Variants in KRCC1 observed in about 807,000 individuals in gnomAD.
KRCC1 encodes lysine-rich coiled-coil protein 1.
In KRCC1, 3 loss-of-function variants were observed where a neutral mutation model predicts 7.4. That is an observed-to-expected ratio of 0.40 (90% CI 0.18 to 1.04). The LOEUF (loss-of-function observed/expected upper bound fraction) is 1.04. Ranked by LOEUF, KRCC1 falls within the 50% of genes least tolerant of loss-of-function variation. The pLI is 0.33. For synonymous variants in KRCC1, 102 were observed against 101.6 expected, an observed-to-expected ratio of 1.00 and a Z score of -0.02; for missense variants, 277 against 300.9, an observed-to-expected ratio of 0.92 and a Z score of 0.59.
intron 3 of KRCC1, among the ~76,000 whole-genome samples, chr2:88,028,805 C>A (rs914181808): frequency 6.6e-6 from 1 of 151,888 alleles, no homozygotes; most frequent in Non-Finnish European, 1.5e-5. Flanking sequence ...TGTGTGCCAC[C>A]ACGCCCAGCT....
intron 1 of KRCC1, among the ~76,000 whole-genome samples, chr2:88,042,353 C>A (rs1306791788): frequency 2.0e-5 from 3 of 152,156 alleles, no homozygotes; most frequent in African/African-American, 7.2e-5. Flanking sequence ...AGCCACTGCA[C>A]CCGGCCTAGA....
chr2:88,043,552 C>A (rs971697749), intron 1 of KRCC1, among the ~76,000 whole-genome samples: 6 of 152,180 alleles, frequency 3.9e-5, no homozygotes, highest in African/African-American at 1.4e-4. Flanking sequence ...ATGCATATTG[C>A]CTTTTAATGT....
chr2:88,037,610 T>C (rs180980426), intron 1 of KRCC1, among the ~76,000 whole-genome samples: 23 of 152,364 alleles, frequency 1.5e-4, no homozygotes, highest in African/African-American at 5.3e-4. Flanking sequence ...GGTTTCGCCA[T>C]GTTGCCCAGG....
intron 1 of KRCC1, among the ~76,000 whole-genome samples, chr2:88,052,850 T>C (rs1488776429): frequency 6.6e-6 from 1 of 152,228 alleles, no homozygotes; most frequent in Non-Finnish European, 1.5e-5. Context: ...CAAAGTGTTG[T>C]CATGTTTTTG....
chr2:88,034,429 A>G (rs2104608156), intron 2 of KRCC1, 137 bp from the exon 3 acceptor site: 1 of 152,290 alleles, frequency 6.6e-6, no homozygotes, highest in South Asian at 2.1e-4. Context: ...CTGAAAATAA[A>G]CCCTAACTTT....
At chr2:88,043,010 T>G (rs991650934) in intron 1 of KRCC1, among the ~76,000 whole-genome samples, 25 of 152,222 alleles carry the variant, frequency 1.6e-4, no homozygotes, top group African/African-American at 5.8e-4. Flanking sequence ...AACACTATGC[T>G]TCTCCACTCT....
intron 3 of KRCC1, among the ~76,000 whole-genome samples, chr2:88,033,106 C>T (rs1431221038): frequency 6.6e-6 from 1 of 152,028 alleles, no homozygotes; most frequent in East Asian, 1.9e-4. Flanking sequence ...ATGGGTATGT[C>T]CATTATCTTG....
intron 1 of KRCC1, among the ~76,000 whole-genome samples, chr2:88,052,764 ACATG>A (rs1237071006): frequency 6.6e-6 from 1 of 152,202 alleles, no homozygotes; most frequent in Non-Finnish European, 1.5e-5. Context: ...CATAACTGTT[ACATG>A]CATGTTGTGA....
chr2:88,031,593 G>A (rs1253475234), intron 3 of KRCC1, among the ~76,000 whole-genome samples: 1 of 151,832 alleles, frequency 6.6e-6, no homozygotes, highest in Non-Finnish European at 1.5e-5. Flanking sequence ...CTGCACTCCA[G>A]CCTGGGCAAC....
At chr2:88,029,199 G>A (rs757801104) in intron 3 of KRCC1, among the ~76,000 whole-genome samples, 31 of 152,198 alleles carry the variant, frequency 2.0e-4, no homozygotes, top group Admixed American at 3.3e-4. Flanking sequence ...GTGTGGATAG[G>A]AACCACACAA....
chr2:88,045,916 G>A (rs533277716), intron 1 of KRCC1, among the ~76,000 whole-genome samples: 19 of 152,236 alleles, frequency 1.2e-4, no homozygotes, highest in Non-Finnish European at 2.1e-4. Context: ...CTGATTTCAG[G>A]TGACCCACCC....
chr2:88,028,988 G>A lies in KRCC1; in HGVS notation c.-22-403C>T, dbSNP rs528387562. The stretch of plus-strand genomic sequence containing the variant: ...AAAAAGAGCTTTGAAAAACAAAGCA[G>A]CTCAAACAAATTACAACCTATTTCA... On this transcript the variant is annotated intron_variant, in intron 3 of 3. Transcript: ENST00000347055. Among the ~76,000 whole-genome samples the A allele has an allele frequency of 2.6e-5, 4 of 152,204 alleles. No individual in the cohort carries two copies. The South Asian group carries it at 8.3e-4, about 32-fold the overall frequency.
At chr2:88,030,044 C>A (rs777215143) in intron 3 of KRCC1, among the ~76,000 whole-genome samples, 2 of 150,862 alleles carry the variant, frequency 1.3e-5, no homozygotes, top group Non-Finnish European at 3.0e-5. Flanking sequence ...GATGCGGTTT[C>A]ACCATGTTGG....
In KRCC1 at chr2:88,027,989, T is replaced by A; in HGVS notation, c.575A>T (p.His192Leu). The A allele has an allele frequency of 6.2e-7, 1 of 1,614,038 alleles. No individual in the cohort carries two copies. The highest frequency in any genetic ancestry group is 8.5e-7 in the Non-Finnish European group (1 of 1,180,008). Residue 192 changes from histidine (H) to leucine (L), a missense_variant, in exon 4 of 4, where the codon CAC becomes CTC. Physicochemically the swap from His to Leu is moderately conservative, Grantham distance 99. Transcript: ENST00000347055. ...TGTTTTCTTTCTTTGGATGCTCTTG[T>A]GTTTGTCTAAGTCAATTTCCTCGCA... ...KSCEEIDLDKHKSIQRKKTEV... is the reference protein window; with the variant it reads ...KSCEEIDLDKLKSIQRKKTEV...
At chr2:88,050,213 T>C (rs1245622807) in intron 1 of KRCC1, among the ~76,000 whole-genome samples, 10 of 152,236 alleles carry the variant, frequency 6.6e-5, no homozygotes, top group Non-Finnish European at 8.8e-5. Flanking sequence ...CTTAATATCA[T>C]GGAAACAAAC....
At chr2:88,055,363 G>C (rs570327117) in intron 1 of KRCC1, among the ~76,000 whole-genome samples, 14 of 152,056 alleles carry the variant, frequency 9.2e-5, no homozygotes, top group African/African-American at 3.4e-4. Flanking sequence ...ATTTCCTCTT[G>C]GTCGCCCCTA....
chr2:88,038,666 G>C (rs929058203), intron 1 of KRCC1, among the ~76,000 whole-genome samples: 3 of 152,238 alleles, frequency 2.0e-5, no homozygotes, highest in African/African-American at 7.2e-5. Context: ...GTTTTGCACA[G>C]CTGGGGAGGC....
At position 88,027,960 on chromosome 2, in the gene KRCC1, CCT is replaced by C; in HGVS notation, c.602_603del (p.Glu201GlyfsTer14). On this transcript the variant is annotated frameshift_variant, in exon 4 of 4. Transcript: ENST00000347055. LOFTEE classifies it high-confidence loss of function. ...KHKSIQRKKT[E>X]VEIETVHVST... Reference sequence around the variant, plus strand: ...CTGACATGTACGGTTTCTATTTCCACCTCTGTTTTCTTTCTTTGGATGCTCTT... The same window carrying C: ...CTGACATGTACGGTTTCTATTTCCACCTGTTTTCTTTCTTTGGATGCTCTT... 6.2e-7 allele frequency: 1 copy of C among 1,613,562 alleles called. No individual in the cohort carries two copies.
chr2:88,055,091 TC>T (rs1338933579), intron 1 of KRCC1, among the ~76,000 whole-genome samples: 1 of 149,544 alleles, frequency 6.7e-6, no homozygotes, highest in Non-Finnish European at 1.5e-5. Context: ...TCCAAAGTGA[TC>T]CCCCCCTAAA....
Sources: gnomAD v4.1 joint callset for allele counts (sites outside exome capture counted in the v4.1 genomes callset) on GRCh38, gnomAD v4.1.1 for gene constraint, MANE v1.5 for transcripts, NCBI Gene and HGNC (gene_info 2026-07-23, HGNC 2026-07-21) for gene names.